Variants in TBC1D5 observed in about 807,000 individuals in gnomAD.
TBC1D5 encodes TBC1 domain family, member 5.
A neutral mutation model predicts 100.3 loss-of-function variants in TBC1D5; 75 were observed. The ratio of observed to expected loss-of-function variants is 0.75; its 90% CI spans 0.62 to 0.91. The LOEUF is 0.91. Among genes scored for constraint, TBC1D5 ranks in the 40% least tolerant of loss-of-function variants. TBC1D5 has a pLI of 0.00. For missense variants in TBC1D5, 910 were observed against 942.4 expected, an observed-to-expected ratio of 0.97 and a Z score of 0.45; for synonymous variants, 323 against 325.6, an observed-to-expected ratio of 0.99 and a Z score of 0.09.
chr3:17,198,681 C>T (rs1221639202), intron 18 of TBC1D5, among the ~76,000 whole-genome samples: 1 of 152,102 alleles, frequency 6.6e-6, no homozygotes, highest in Non-Finnish European at 1.5e-5. Flanking sequence ...TTGCTTTCAA[C>T]CTGGGGAAGA....
intron 16 of TBC1D5, among the ~76,000 whole-genome samples, chr3:17,254,148 G>A (rs1038436756): frequency 1.3e-5 from 2 of 152,210 alleles, no homozygotes; most frequent in Admixed American, 6.5e-5. Flanking sequence ...GGGGTATTAT[G>A]AATAAGGCTG....
Position 17,161,261 on chromosome 3 carries a change from G to A in TBC1D5, c.2095-5C>T, listed in dbSNP as rs376499337. ...CCCTGGCGTTTCTGAAGAGGCCTGT[G>A]AAGTACAGTCAGAAGTACAGGTGGA... On this transcript the variant is annotated splice_region_variant and splice_polypyrimidine_tract_variant and intron_variant, in intron 21 of 21. Transcript: ENST00000253692. 2.5e-6 allele frequency: 4 copies of A among 1,605,308 alleles called. No individual in the cohort carries two copies. The Admixed American group carries it at 6.7e-5, about 27-fold the overall frequency.
chr3:17,245,253 T>C (rs866205921), intron 16 of TBC1D5, among the ~76,000 whole-genome samples: 2 of 152,316 alleles, frequency 1.3e-5, no homozygotes, highest in South Asian at 2.1e-4. Flanking sequence ...AAGTTCTTAA[T>C]TCTGTAACTT....
At chr3:17,299,898 T>G (rs949859581) in intron 14 of TBC1D5, among the ~76,000 whole-genome samples, 2 of 145,878 alleles carry the variant, frequency 1.4e-5, no homozygotes, top group South Asian at 2.2e-4. Flanking sequence ...ATCATTCTGA[T>G]GTGGGATGGT....
At chr3:17,645,057 T>C (rs1003398495) in intron 1 of TBC1D5, among the ~76,000 whole-genome samples, 1 of 152,276 alleles carries the variant, frequency 6.6e-6, no homozygotes, top group East Asian at 1.9e-4. Flanking sequence ...TGACAGTTGC[T>C]TAGAAAGCTT....
chr3:17,376,570 C>T, exon 10 of TBC1D5: 1 of 1,612,860 alleles, frequency 6.2e-7, no homozygotes, highest in Non-Finnish European at 8.5e-7. Flanking sequence ...TTGGTGGTCA[C>T]AGTGAAGGAC....
chr3:17,705,044 C>T (rs1462146427), intron 1 of TBC1D5, among the ~76,000 whole-genome samples: 52 of 114,088 alleles, frequency 4.6e-4, no homozygotes, highest in Middle Eastern at 5.6e-3. Flanking sequence ...GCTGGCCAGG[C>T]GGGGGGCTGA....
chr3:17,242,678 A>C (rs973635546), intron 16 of TBC1D5, among the ~76,000 whole-genome samples: 14 of 152,106 alleles, frequency 9.2e-5, no homozygotes, highest in African/African-American at 3.4e-4. Flanking sequence ...TACAATTAAA[A>C]ATTTCAGATG....
At chr3:17,630,516 ATAACT>A (rs1478040335) in intron 1 of TBC1D5, among the ~76,000 whole-genome samples, 1 of 152,160 alleles carries the variant, frequency 6.6e-6, no homozygotes, top group Non-Finnish European at 1.5e-5. Context: ...AATAAAGCAG[ATAACT>A]TAATCAATGA....
chr3:17,184,982 A>C (rs2068850669), intron 19 of TBC1D5, 127 bp downstream of exon 20: 1 of 646,584 alleles, frequency 1.5e-6, no homozygotes, highest in Non-Finnish European at 2.5e-6. Flanking sequence ...TCTATTATAT[A>C]GCTGTTGTAA....
exon 22 of TBC1D5, chr3:17,159,424 A>G (rs2065853134): frequency 6.6e-6 from 1 of 152,196 alleles, no homozygotes; most frequent in Admixed American, 6.5e-5. Flanking sequence ...TTCATTTGTT[A>G]CCATGAAGGC....
chr3:17,662,380 A>T (rs186781861), intron 1 of TBC1D5, among the ~76,000 whole-genome samples: 2 of 152,336 alleles, frequency 1.3e-5, no homozygotes, highest in Non-Finnish European at 2.9e-5. Context: ...TTAGAGGAGG[A>T]GGTTACCTGG....
intron 7 of TBC1D5, 79 bp downstream of exon 7, chr3:17,404,615 C>A: frequency 7.7e-7 from 1 of 1,290,830 alleles, no homozygotes; most frequent in Non-Finnish European, 1.1e-6. Context: ...ATATTGCTTT[C>A]ATGGTGACTG....
intron 1 of TBC1D5, among the ~76,000 whole-genome samples, chr3:17,644,713 C>G (rs1023932221): frequency 6.6e-6 from 1 of 152,044 alleles, no homozygotes; most frequent in African/African-American, 2.4e-5. Context: ...CATCCGAAAA[C>G]TACAATATTT....
chr3:17,601,563 A>G (rs2060943765), intron 2 of TBC1D5, among the ~76,000 whole-genome samples: 1 of 152,212 alleles, frequency 6.6e-6, no homozygotes. Context: ...TTTTAAACTT[A>G]TAACTGCCCT....
chr3:17,436,875 G>T (rs1325007076), intron 3 of TBC1D5, among the ~76,000 whole-genome samples: 1 of 152,090 alleles, frequency 6.6e-6, no homozygotes, highest in African/African-American at 2.4e-5. Context: ...GCAACTAAAT[G>T]GGAAACAGGG....
intron 21 of TBC1D5, among the ~76,000 whole-genome samples, chr3:17,165,509 T>C (rs1310937283): frequency 6.6e-6 from 1 of 152,220 alleles, no homozygotes; most frequent in East Asian, 1.9e-4. Flanking sequence ...GTTGCATTCA[T>C]GTGGCTACAA....
intron 1 of TBC1D5, among the ~76,000 whole-genome samples, chr3:17,661,997 C>T (rs546780955): frequency 6.6e-5 from 10 of 152,072 alleles, no homozygotes; most frequent in Non-Finnish European, 1.3e-4. Flanking sequence ...TTCAAGTAAT[C>T]CTCCCATCTC....
chr3:17,591,317 A>G (rs992184918), intron 2 of TBC1D5, among the ~76,000 whole-genome samples: 14 of 148,420 alleles, frequency 9.4e-5, no homozygotes, highest in South Asian at 2.2e-4. Flanking sequence ...GGCTTGAGAT[A>G]GTTTACAGAT....
Sources: gnomAD v4.1 joint callset for allele counts (sites outside exome capture counted in the v4.1 genomes callset) on GRCh38, gnomAD v4.1.1 for gene constraint, MANE v1.5 for transcripts, NCBI Gene and HGNC (gene_info 2026-07-23, HGNC 2026-07-21) for gene names.